RNF13: variants seen among roughly 807,000 people sequenced by gnomAD.
RNF13 encodes E3 ubiquitin-protein ligase RNF13.
A neutral mutation model predicts 37.7 loss-of-function variants in RNF13; 19 were observed. The ratio of observed to expected loss-of-function variants is 0.50; its 90% CI spans 0.35 to 0.74. The LOEUF is 0.74. Ranked by LOEUF, RNF13 falls within the 30% of genes least tolerant of loss-of-function variation. RNF13 has a pLI of 0.01. For missense variants in RNF13, 375 were observed against 453.0 expected (o/e 0.83, Z 1.56); for synonymous variants, 144 against 157.8 (o/e 0.91, Z 0.65).
chr3:149,860,022 T>G (rs1461176286), intron 3 of RNF13, among the ~76,000 whole-genome samples: 1 of 151,718 alleles, frequency 6.6e-6, no homozygotes, highest in East Asian at 1.9e-4. Context: ...ATCCCAGCAC[T>G]TGGGGAGCCC....
At chr3:149,886,692 C>T (rs1175113887) in intron 4 of RNF13, among the ~76,000 whole-genome samples, 2 of 152,140 alleles carry the variant, frequency 1.3e-5, no homozygotes, top group African/African-American at 4.8e-5. Flanking sequence ...AGAGAGAAGG[C>T]ATTAAGTCTT....
At chr3:149,870,211 GGCAA>G (rs1711858606) in intron 3 of RNF13, among the ~76,000 whole-genome samples, 1 of 151,668 alleles carries the variant, frequency 6.6e-6, no homozygotes, top group Admixed American at 6.6e-5. Flanking sequence ...CAAGATAGTG[GGCAA>G]TCTGGTTCCA....
intron 8 of RNF13, among the ~76,000 whole-genome samples, chr3:149,942,986 G>T (rs1394600235): frequency 6.6e-6 from 1 of 152,166 alleles, no homozygotes; most frequent in East Asian, 1.9e-4. Context: ...GTATTAAATA[G>T]ATTTATTTTC....
intron 3 of RNF13, among the ~76,000 whole-genome samples, chr3:149,860,270 A>ATATATAT (rs1553756034): frequency 2.9e-5 from 3 of 104,114 alleles, no homozygotes; most frequent in African/African-American, 1.3e-4. Flanking sequence ...AAAAAAAAAA[A>ATATATAT]ATATATATAT....
At chr3:149,946,094 A>C (rs759263549) in intron 8 of RNF13, among the ~76,000 whole-genome samples, 3 of 152,252 alleles carry the variant, frequency 2.0e-5, no homozygotes, top group Non-Finnish European at 2.9e-5. Context: ...TGAGAGAAGA[A>C]GGCTTCAGAC....
chr3:149,950,054 T>C (rs951213165), intron 8 of RNF13, among the ~76,000 whole-genome samples: 8 of 152,208 alleles, frequency 5.3e-5, no homozygotes, highest in Admixed American at 3.3e-4. Context: ...GATACTTTGC[T>C]CAAGATGTGT....
chr3:149,949,077 C>T (rs1721053566), intron 8 of RNF13, among the ~76,000 whole-genome samples: 1 of 151,942 alleles, frequency 6.6e-6, no homozygotes, highest in Non-Finnish European at 1.5e-5. Flanking sequence ...TACTCACCTA[C>T]ATTACAATAA....
chr3:149,936,767 G>C (rs1407717699), intron 8 of RNF13, among the ~76,000 whole-genome samples: 1 of 152,016 alleles, frequency 6.6e-6, no homozygotes, highest in Non-Finnish European at 1.5e-5. Flanking sequence ...TTCCCTGTTT[G>C]ATGTTGTTTC....
rs1342170945 is a variant in RNF13, at chr3:149,962,051, T to C, written c.*947T>C. 6.6e-6 allele frequency: 1 copy of C among 152,656 alleles called. No homozygotes were observed. The highest frequency in any genetic ancestry group is 6.5e-5 in the Admixed American group (1 of 15,284). The allele number at this position is 152,656 out of a possible 1,614,324, so 9.5% of individuals were successfully genotyped here. A position where few individuals can be genotyped will look rare whatever the true frequency, so the allele number is the denominator to read the frequency against. ...TATGTAGAAAGTGTAGACTAATGTA[T>C]AATCAAAATGCTAAGGATTTTTATA... On this transcript the variant is annotated 3_prime_UTR_variant, in exon 10 of 10. Transcript: ENST00000392894.
intron 7 of RNF13, among the ~76,000 whole-genome samples, chr3:149,914,606 A>G (rs1056628720): frequency 1.4e-4 from 22 of 152,160 alleles, no homozygotes; most frequent in African/African-American, 5.1e-4. Flanking sequence ...AAACATTATT[A>G]AATGGTGAAA....
chr3:149,918,550 T>A (rs1164033001), intron 7 of RNF13, among the ~76,000 whole-genome samples: 1 of 152,168 alleles, frequency 6.6e-6, no homozygotes. Context: ...GTTAATTTGG[T>A]TATTTTATGC....
chr3:149,838,795 A>G (rs1325130954), intron 1 of RNF13, among the ~76,000 whole-genome samples: 2 of 151,198 alleles, frequency 1.3e-5, no homozygotes, highest in Non-Finnish European at 2.9e-5. Context: ...TCGTTACTTA[A>G]GCAAATTTCT....
chr3:149,896,274 AT>A (rs549585307), intron 5 of RNF13, among the ~76,000 whole-genome samples: 137 of 152,252 alleles, frequency 9.0e-4, no homozygotes, highest in African/African-American at 3.1e-3. Flanking sequence ...ACCATAATAT[AT>A]TTTGTTATTA....
intron 8 of RNF13, among the ~76,000 whole-genome samples, chr3:149,932,044 A>G (rs1576556643): frequency 6.6e-6 from 1 of 152,104 alleles, no homozygotes; most frequent in Admixed American, 6.5e-5. Flanking sequence ...ATAGTATTCC[A>G]TTGTGTATAT....
At chr3:149,880,585 T>G (rs1356059719) in intron 4 of RNF13, among the ~76,000 whole-genome samples, 7 of 152,200 alleles carry the variant, frequency 4.6e-5, no homozygotes, top group African/African-American at 1.7e-4. Context: ...ACATAAAGGT[T>G]ATTCAGATTT....
At chr3:149,814,816 T>C (rs1246868465) in intron 1 of RNF13, among the ~76,000 whole-genome samples, 2 of 152,220 alleles carry the variant, frequency 1.3e-5, no homozygotes, top group Admixed American at 6.5e-5. Context: ...TGAGTTGTTA[T>C]GAGGATTAAA....
chr3:149,869,920 G>A (rs894228687), intron 3 of RNF13, among the ~76,000 whole-genome samples: 1 of 151,920 alleles, frequency 6.6e-6, no homozygotes, highest in South Asian at 2.1e-4. Context: ...CAAAGGGGCA[G>A]TTCCCAACAG....
intron 1 of RNF13, among the ~76,000 whole-genome samples, chr3:149,835,576 T>C (rs1356273058): frequency 6.6e-6 from 1 of 152,098 alleles, no homozygotes; most frequent in Non-Finnish European, 1.5e-5. Flanking sequence ...TCCAGTTCTA[T>C]CTAGGTTGCT....
chr3:149,884,434 C>T (rs1487826102), intron 4 of RNF13, among the ~76,000 whole-genome samples: 1 of 151,848 alleles, frequency 6.6e-6, no homozygotes, highest in Non-Finnish European at 1.5e-5. Context: ...TTGAACTCTT[C>T]CTGATCCTGT....
Sources: gnomAD v4.1 joint callset for allele counts (sites outside exome capture counted in the v4.1 genomes callset) on GRCh38, gnomAD v4.1.1 for gene constraint, MANE v1.5 for transcripts, NCBI Gene and HGNC (gene_info 2026-07-23, HGNC 2026-07-21) for gene names.